SORBS2: variants seen among roughly 807,000 people sequenced by gnomAD.
SORBS2 encodes the protein sorbin and SH3 domain containing 2.
In SORBS2, 46 loss-of-function variants were observed where a neutral mutation model predicts 97.7. The observed-to-expected ratio is 0.47, with a 90% CI of 0.37 to 0.60. The LOEUF is 0.60. SORBS2 is among the 20% of genes least tolerant of loss of function. The pLI is 0.00. For missense variants in SORBS2, 1,316 were observed against 1,282.3 expected, an observed-to-expected ratio of 1.03 and a Z score of -0.40; for synonymous variants, 476 against 473.4, an observed-to-expected ratio of 1.01 and a Z score of -0.07.
At chr4:185,663,042 T>C (rs181197074) in intron 4 of SORBS2, among the ~76,000 whole-genome samples, 29 of 152,360 alleles carry the variant, frequency 1.9e-4, no homozygotes, top group Non-Finnish European at 4.0e-4. Context: ...AATAGGTATC[T>C]ATTCTGATGG....
At chr4:185,856,341 T>C (rs2099220539) in intron 1 of SORBS2, among the ~76,000 whole-genome samples, 1 of 152,146 alleles carries the variant, frequency 6.6e-6, no homozygotes, top group African/African-American at 2.4e-5. Flanking sequence ...AAGAATACCA[T>C]CTGACTGCCA....
intron 12 of SORBS2, among the ~76,000 whole-genome samples, chr4:185,610,876 C>G (rs77911622): frequency 0.017 from 2,617 of 152,132 alleles, 69 homozygotes; most frequent in African/African-American, 0.06. Context: ...TTTTGGAAGT[C>G]ATTGGCAATT....
rs1201714307 is a variant in SORBS2 at position 185,731,832 on chromosome 4, TTCTCTCTCTCTCTC to T, written c.-198+43381_-198+43394del. 8.1e-4 allele frequency among the ~76,000 whole-genome samples: 27 copies of T among 33,286 alleles called. 1 individual carries two copies. The highest frequency in any genetic ancestry group is 3.0e-3 in the African/African-American group (25 of 8,250). The allele number at this position is 33,286 out of a possible 152,430, so 21.8% of individuals were successfully genotyped here. A position where few individuals can be genotyped will look rare whatever the true frequency, so the allele number is the denominator to read the frequency against. ...CCTCCCTCCCTGCCTGTCTCTCTCT[TTCTCTCTCTCTCTC>T]TCTCTCTCTCTCTCTCTCTCTATAT... On this transcript the variant is annotated intron_variant, in intron 2 of 20. Transcript: ENST00000284776.
At chr4:185,944,760 T>C (rs1274150944) in intron 1 of SORBS2, among the ~76,000 whole-genome samples, 3 of 152,360 alleles carry the variant, frequency 2.0e-5, no homozygotes, top group Non-Finnish European at 4.4e-5. Flanking sequence ...AATATGATTC[T>C]GTGAAAGTCA....
chr4:185,702,543 G>A (rs2098279290), intron 2 of SORBS2, among the ~76,000 whole-genome samples: 1 of 152,184 alleles, frequency 6.6e-6, no homozygotes, highest in Admixed American at 6.5e-5. Context: ...CATGAGATTT[G>A]GAGGAATCAA....
chr4:185,879,905 G>A (rs1403828123), intron 1 of SORBS2, among the ~76,000 whole-genome samples: 1 of 152,214 alleles, frequency 6.6e-6, no homozygotes, highest in East Asian at 1.9e-4. Flanking sequence ...ACCCCGTGCT[G>A]GGACCTTCTA....
At chr4:185,870,883 C>CTA (rs2099230055) in intron 1 of SORBS2, among the ~76,000 whole-genome samples, 1 of 152,186 alleles carries the variant, frequency 6.6e-6, no homozygotes, top group African/African-American at 2.4e-5. Context: ...TGAACACCTG[C>CTA]TATGCCTCCA....
intron 4 of SORBS2, chr4:185,677,113 G>T (rs749511584): frequency 4.5e-6 from 7 of 1,551,690 alleles, no homozygotes; most frequent in Middle Eastern, 1.7e-4. Context: ...TGGCTTTCAA[G>T]ATCCTGTCCT....
At chr4:185,874,116 TTAATAA>T (rs2099231978) in intron 1 of SORBS2, among the ~76,000 whole-genome samples, 1 of 152,150 alleles carries the variant, frequency 6.6e-6, no homozygotes, top group Non-Finnish European at 1.5e-5. Flanking sequence ...CATATTGTTG[TTAATAA>T]TAATGAAAAA....
At chr4:185,677,339 T>A in intron 4 of SORBS2, 1 of 1,552,354 alleles carries the variant, frequency 6.4e-7, no homozygotes, top group Non-Finnish European at 8.7e-7. Context: ...AGTCCTCTTG[T>A]AGAACTGGGG....
chr4:185,737,498 C>T (rs1040403276), intron 2 of SORBS2, among the ~76,000 whole-genome samples: 1 of 152,132 alleles, frequency 6.6e-6, no homozygotes, highest in Non-Finnish European at 1.5e-5. Context: ...TGGGGAGAAA[C>T]GGGGAATTCT....
At chr4:185,901,360 G>A (rs902686794) in intron 1 of SORBS2, among the ~76,000 whole-genome samples, 4 of 151,926 alleles carry the variant, frequency 2.6e-5, no homozygotes, top group Admixed American at 1.3e-4. Context: ...GTGCCACCAC[G>A]GTCGGCTAAT....
At chr4:185,723,787 C>T (rs113976592) in intron 2 of SORBS2, among the ~76,000 whole-genome samples, 3,923 of 152,248 alleles carry the variant, frequency 0.026, 60 homozygotes, top group Middle Eastern at 0.034. Context: ...CAGGGCAGCA[C>T]GCTGACCTTT....
At chr4:185,592,750 G>A (rs2095982616) in intron 13 of SORBS2, 1 of 152,276 alleles carries the variant, frequency 6.6e-6, no homozygotes, top group Non-Finnish European at 1.5e-5. Context: ...TGTAGAGATG[G>A]TGTTTTGCTA....
At chr4:185,737,863 C>T (rs1037737218) in intron 2 of SORBS2, among the ~76,000 whole-genome samples, 4 of 152,184 alleles carry the variant, frequency 2.6e-5, no homozygotes, top group African/African-American at 9.7e-5. Context: ...CAAACCTTTC[C>T]ACCCTCCGCT....
At position 185,652,740 on chromosome 4, in the gene SORBS2, A is replaced by G. The variant is rs2097335133; in HGVS notation, c.25-12T>C. ...GGCCGGTCGACTGTCTGTAATGAAG[A>G]GAGCGTCCAATGGTTACAAACTGGC... On this transcript the variant is annotated splice_polypyrimidine_tract_variant and intron_variant, in intron 1 of 14. Transcript: ENST00000418609. 3 of 1,610,504 alleles carry G rather than the reference A, an allele frequency of 1.9e-6. No individual in the cohort carries two copies. The African/African-American group carries it at 4.0e-5, about 22-fold the overall frequency.
At chr4:185,599,890 T>C (rs905285885) in intron 12 of SORBS2, among the ~76,000 whole-genome samples, 1 of 143,820 alleles carries the variant, frequency 7.0e-6, no homozygotes, top group Non-Finnish European at 1.5e-5. Flanking sequence ...GAGCCAGCCC[T>C]GGGGGCGGGG....
chr4:185,773,182 T>C (rs2098981620), intron 2 of SORBS2: 1 of 152,120 alleles, frequency 6.6e-6, no homozygotes, highest in African/African-American at 2.4e-5. Flanking sequence ...CCTCTAGCAA[T>C]ATATTTGCAC....
intron 2 of SORBS2, among the ~76,000 whole-genome samples, chr4:185,707,952 C>T (rs997749529): frequency 6.6e-6 from 1 of 152,130 alleles, no homozygotes; most frequent in African/African-American, 2.4e-5. Flanking sequence ...CACAGCCAAA[C>T]CTTATCAGTA....
Sources: allele counts gnomAD v4.1 joint callset (sites outside exome capture counted in the v4.1 genomes callset), GRCh38; gene constraint gnomAD v4.1.1; transcripts MANE v1.5; gene names NCBI Gene and HGNC (gene_info 2026-07-23, HGNC 2026-07-21).